CACNB2: variants seen among roughly 807,000 people sequenced by gnomAD.
CACNB2 encodes voltage-dependent L-type calcium channel subunit beta-2.
CACNB2 carries 42 observed loss-of-function variants against 73.3 expected under a neutral mutation model. That is an observed-to-expected ratio of 0.57 (90% CI 0.45 to 0.74). The LOEUF is 0.74. Ranked by LOEUF, CACNB2 falls within the 30% of genes least tolerant of loss-of-function variation. The pLI is 0.00. For synonymous variants in CACNB2, 348 were observed against 310.3 expected (o/e 1.12, Z -1.28); for missense variants, 940 against 853.0 (o/e 1.10, Z -1.27).
At chr10:18,488,410 G>A (rs1028017969) in intron 3 of CACNB2, among the ~76,000 whole-genome samples, 12 of 142,316 alleles carry the variant, frequency 8.4e-5, no homozygotes, top group African/African-American at 3.2e-4. Flanking sequence ...GGAAGGCGGA[G>A]CTTGCAGTGA....
chr10:18,464,420 A>AAAT (rs1166106918), intron 3 of CACNB2, among the ~76,000 whole-genome samples: 22 of 117,608 alleles, frequency 1.9e-4, no homozygotes, highest in Non-Finnish European at 2.5e-4. Flanking sequence ...TCAAAAATTA[A>AAAT]AAAAAAAAAA....
chr10:18,404,184 TGA>T (rs770139806), intron 3 of CACNB2, among the ~76,000 whole-genome samples: 23 of 152,148 alleles, frequency 1.5e-4, no homozygotes, highest in Non-Finnish European at 2.5e-4. Context: ...TTTAAACCTT[TGA>T]TGTATTCAAA....
At chr10:18,297,203 T>G in intron 2 of CACNB2, among the ~76,000 whole-genome samples, 1 of 152,162 alleles carries the variant, frequency 6.6e-6, no homozygotes, top group Middle Eastern at 3.2e-3. Flanking sequence ...TCAATATGTT[T>G]CCTTTAATCC....
At position 18,347,344 on chromosome 10, in the gene CACNB2, A is replaced by ATTTTTTTTTTT. The variant is rs201654242; in HGVS notation, c.214-54561_214-54551dup. Among the ~76,000 whole-genome samples, 89 of 120,802 alleles carry ATTTTTTTTTTT rather than the reference A, an allele frequency of 7.4e-4. 1 individual carries two copies. The highest frequency in any genetic ancestry group is 2.0e-3 in the East Asian group (6 of 2,946). 79.3% of individuals were successfully genotyped at this position (120,802 alleles called of 152,430 possible). A position where few individuals can be genotyped will look rare whatever the true frequency, so the allele number is the denominator to read the frequency against. On this transcript the variant is annotated intron_variant, in intron 2 of 13. Coordinates refer to ENST00000324631, the MANE Select transcript of CACNB2 (RefSeq NM_201596.3). ...AGGCGCATGCCGCCATGCCCGTCTA[A>ATTTTTTTTTTT]TTTTTTTTTTTTTTTTTTTTTTTTT...
At chr10:18,377,146 C>G (rs1205421175) in intron 2 of CACNB2, among the ~76,000 whole-genome samples, 1 of 151,954 alleles carries the variant, frequency 6.6e-6, no homozygotes, top group Non-Finnish European at 1.5e-5. Flanking sequence ...AAAAGAAAAC[C>G]AAAAACCACC....
intron 2 of CACNB2, among the ~76,000 whole-genome samples, chr10:18,256,068 A>C (rs1003153134): frequency 6.6e-6 from 1 of 152,148 alleles, no homozygotes; most frequent in African/African-American, 2.4e-5. Context: ...ATTTAAAAAC[A>C]TATATCTTCC....
rs148381958 is a variant in CACNB2 at position 18,542,954 on chromosome 10, T to A, written c.*3230T>A. 6.6e-6 allele frequency: 1 copy of A among 151,298 alleles called. No individual in the cohort carries two copies. The highest frequency in any genetic ancestry group is 2.0e-4 in the East Asian group (1 of 5,118). The allele number at this position is 151,298 out of a possible 1,614,324, so 9.4% of individuals were successfully genotyped here. A position where few individuals can be genotyped will look rare whatever the true frequency, so the allele number is the denominator to read the frequency against. On this transcript the variant is annotated 3_prime_UTR_variant, in exon 14 of 14. Coordinates refer to ENST00000324631, the MANE Select transcript of CACNB2 (RefSeq NM_201596.3). ...CTCTTTCTCTACTGCTCATTTAAGT[T>A]ACTGTTACAAAAAGGTGCTGCTAAA...
chr10:18,183,335 TA>T (rs931896220), intron 2 of CACNB2, among the ~76,000 whole-genome samples: 2 of 140,124 alleles, frequency 1.4e-5, no homozygotes, highest in Non-Finnish European at 3.2e-5. Flanking sequence ...TCTTTTTTAT[TA>T]TTTTTTTTCA....
chr10:18,378,455 G>C (rs2042889008), intron 2 of CACNB2, among the ~76,000 whole-genome samples: 1 of 152,200 alleles, frequency 6.6e-6, no homozygotes, highest in African/African-American at 2.4e-5. Context: ...GTAATTATTA[G>C]ACTCCACAGT....
At chr10:18,154,893 C>A (rs1487472043) in intron 2 of CACNB2, among the ~76,000 whole-genome samples, 1 of 152,212 alleles carries the variant, frequency 6.6e-6, no homozygotes, top group Non-Finnish European at 1.5e-5. Flanking sequence ...CAAAAAGCAA[C>A]CCTGCTGACA....
chr10:18,141,344 G>C, intron 1 of CACNB2: 1 of 844,182 alleles, frequency 1.2e-6, no homozygotes, highest in Non-Finnish European at 2.0e-6. Context: ...GGCAGGAGGG[G>C]AGCGAATATG....
At chr10:18,298,753 A>C (rs934330194) in intron 2 of CACNB2, among the ~76,000 whole-genome samples, 1 of 152,196 alleles carries the variant, frequency 6.6e-6, no homozygotes, top group East Asian at 1.9e-4. Flanking sequence ...TTGTAGTTCA[A>C]CTGCACTGTG....
At chr10:18,257,690 G>C (rs1173431875) in intron 2 of CACNB2, among the ~76,000 whole-genome samples, 1 of 152,102 alleles carries the variant, frequency 6.6e-6, no homozygotes, top group East Asian at 1.9e-4. Flanking sequence ...TTTCCTTCCA[G>C]GGATGGTTAG....
At chr10:18,260,350 G>A (rs567709601) in intron 2 of CACNB2, 9 of 738,690 alleles carry the variant, frequency 1.2e-5, no homozygotes, top group African/African-American at 1.9e-5. Flanking sequence ...TAGGTGGTAT[G>A]AGATCTAATG....
chr10:18,412,967 TATTTTTA>T (rs1275414295), intron 3 of CACNB2, among the ~76,000 whole-genome samples: 1 of 152,202 alleles, frequency 6.6e-6, no homozygotes, highest in Non-Finnish European at 1.5e-5. Flanking sequence ...TATTGTGTTG[TATTTTTA>T]TTTTTTATTT....
At chr10:18,235,388 G>A (rs892431425) in intron 2 of CACNB2, among the ~76,000 whole-genome samples, 1 of 151,792 alleles carries the variant, frequency 6.6e-6, no homozygotes. Context: ...ATCCTAGAAG[G>A]TTAAGGCTGC....
At chr10:18,491,381 C>T (rs1249390769) in intron 3 of CACNB2, among the ~76,000 whole-genome samples, 3 of 152,110 alleles carry the variant, frequency 2.0e-5, no homozygotes. Context: ...GCCAGGAGTT[C>T]AAGACCAGCC....
intron 3 of CACNB2, among the ~76,000 whole-genome samples, chr10:18,421,447 A>C (rs2045319706): frequency 6.6e-6 from 1 of 151,788 alleles, no homozygotes; most frequent in Admixed American, 6.6e-5. Context: ...ACAGGAATGC[A>C]CCACCACACC....
At chr10:18,221,859 T>C (rs1177584290) in intron 2 of CACNB2, among the ~76,000 whole-genome samples, 1 of 152,236 alleles carries the variant, frequency 6.6e-6, no homozygotes, top group African/African-American at 2.4e-5. Flanking sequence ...CATTTTGTGT[T>C]CTGTCTTTAT....
Sources: allele counts gnomAD v4.1 joint callset (sites outside exome capture counted in the v4.1 genomes callset), GRCh38; gene constraint gnomAD v4.1.1; transcripts MANE v1.5; gene names NCBI Gene and HGNC (gene_info 2026-07-23, HGNC 2026-07-21).